The following CCBE1 variants were observed in gnomAD, a reference collection of about 807,000 sequenced individuals.
CCBE1 encodes collagen and calcium binding EGF domains 1.
A neutral mutation model predicts 50.0 loss-of-function variants in CCBE1; 37 were observed. The ratio of observed to expected loss-of-function variants is 0.74; its 90% CI spans 0.57 to 0.97. The LOEUF is 0.97. Ranked by LOEUF, CCBE1 falls within the 50% of genes least tolerant of loss-of-function variation. CCBE1 has a pLI of 0.00. For missense variants in CCBE1, 538 were observed against 523.8 expected, an observed-to-expected ratio of 1.03 and a Z score of -0.26; for synonymous variants, 234 against 203.7, an observed-to-expected ratio of 1.15 and a Z score of -1.27.
rs138582973 is a variant in CCBE1 at position 59,597,822 on chromosome 18, C to T, written c.212+98807G>A. ...CTTATTACCATCCAGATAACTGAGTCTCGAAACCATTGAACACAGTTACCT... is the reference window on the plus strand; with the variant it reads ...CTTATTACCATCCAGATAACTGAGTTTCGAAACCATTGAACACAGTTACCT... On this transcript the variant is annotated intron_variant, in intron 2 of 10. Coordinates refer to ENST00000439986, the MANE Select transcript of CCBE1 (RefSeq NM_133459.4). Among the ~76,000 whole-genome samples the T allele has an allele frequency of 2.2e-3, 337 of 152,246 alleles. 6 individuals carry two copies. The East Asian group carries it at 0.032, about 14-fold the overall frequency.
chr18:59,519,622 GC>G (rs1308074586), intron 2 of CCBE1, among the ~76,000 whole-genome samples: 1 of 152,184 alleles, frequency 6.6e-6, no homozygotes, highest in African/African-American at 2.4e-5. Context: ...TTTGTAGGTT[GC>G]CTGTTCACTC....
chr18:59,589,293 A>G (rs1018512789), intron 2 of CCBE1, among the ~76,000 whole-genome samples: 1 of 152,210 alleles, frequency 6.6e-6, no homozygotes, highest in African/African-American at 2.4e-5. Flanking sequence ...TAAACTCACC[A>G]ATTTTACATA....
chr18:59,640,611 G>A (rs761184440), intron 2 of CCBE1, among the ~76,000 whole-genome samples: 1 of 151,992 alleles, frequency 6.6e-6, no homozygotes, highest in Non-Finnish European at 1.5e-5. Context: ...CAATGCAAAA[G>A]AAACAAAAAT....
intron 2 of CCBE1, among the ~76,000 whole-genome samples, chr18:59,651,241 C>A (rs947241535): frequency 6.6e-6 from 1 of 152,170 alleles, no homozygotes; most frequent in South Asian, 2.1e-4. Flanking sequence ...GGAAGTGTTC[C>A]TTGGCACCAT....
chr18:59,548,417 G>A (rs1361762205), intron 2 of CCBE1, among the ~76,000 whole-genome samples: 2 of 152,206 alleles, frequency 1.3e-5, no homozygotes, highest in Non-Finnish European at 2.9e-5. Flanking sequence ...TGAAGGAGGT[G>A]GGTTAGGGTG....
chr18:59,586,525 C>T (rs2053180176), intron 2 of CCBE1, among the ~76,000 whole-genome samples: 1 of 152,168 alleles, frequency 6.6e-6, no homozygotes, highest in Admixed American at 6.5e-5. Flanking sequence ...TAGGACCAGA[C>T]CAATGTTAAA....
At position 59,432,525 on chromosome 18, in the gene CCBE1, G is replaced by A. The variant is rs1287102821; in HGVS notation, c.*3383C>T. The stretch of plus-strand genomic sequence containing the variant: ...TAAAGCTTTTTCTATCTAGTTAAAA[G>A]ATACATTAGAAATAATGATGCCTTA... On this transcript the variant is annotated 3_prime_UTR_variant, in exon 11 of 11. Coordinates refer to ENST00000439986, the MANE Select transcript of CCBE1 (RefSeq NM_133459.4). The A allele has an allele frequency of 3.3e-5, 5 of 152,090 alleles. No homozygotes were observed. Among genetic ancestry groups the A allele is most frequent in the African/African-American group, 9.7e-5 (4 of 41,392 alleles). 9.4% of individuals were successfully genotyped at this position (152,090 alleles called of 1,614,324 possible).
At chr18:59,663,110 G>T (rs1367702627) in intron 2 of CCBE1, among the ~76,000 whole-genome samples, 1 of 54,630 alleles carries the variant, frequency 1.8e-5, no homozygotes, top group African/African-American at 1.6e-4. Flanking sequence ...CTTGGTGCTA[G>T]GGATAGGGAT....
At chr18:59,628,459 T>C (rs1323591476) in intron 2 of CCBE1, among the ~76,000 whole-genome samples, 2 of 152,182 alleles carry the variant, frequency 1.3e-5, no homozygotes, top group East Asian at 3.8e-4. Context: ...TCTATCTTAA[T>C]GCTCTTCCAG....
intron 2 of CCBE1, among the ~76,000 whole-genome samples, chr18:59,562,897 C>CTTGTTTGTTTCAGTTCTCTT (rs5825348): frequency 6.6e-6 from 1 of 151,942 alleles, no homozygotes; most frequent in Admixed American, 6.6e-5. Context: ...GTTTCGATCT[C>CTTGTTTGTTTCAGTTCTCTT]GTTTGTTTCA....
At chr18:59,618,023 T>C (rs1421121792) in intron 2 of CCBE1, among the ~76,000 whole-genome samples, 1 of 152,222 alleles carries the variant, frequency 6.6e-6, no homozygotes, top group Non-Finnish European at 1.5e-5. Flanking sequence ...TTCAAAGTAA[T>C]TTAAGACTTT....
chr18:59,547,087 G>A (rs8084881), intron 2 of CCBE1, among the ~76,000 whole-genome samples: 13,720 of 112,380 alleles, frequency 0.12, 1,432 homozygotes, highest in East Asian at 0.29. Flanking sequence ...GAGAAAGGGA[G>A]AGAGAGGGAG....
At chr18:59,476,253 C>T (rs1196496944) in intron 3 of CCBE1, among the ~76,000 whole-genome samples, 1 of 152,164 alleles carries the variant, frequency 6.6e-6, no homozygotes, top group Non-Finnish European at 1.5e-5. Context: ...GCCCGATGCA[C>T]AGTACAAGCT....
intron 3 of CCBE1, among the ~76,000 whole-genome samples, chr18:59,477,729 G>A (rs1223863086): frequency 1.3e-5 from 2 of 152,152 alleles, no homozygotes; most frequent in African/African-American, 4.8e-5. Flanking sequence ...AGTGCCCCAG[G>A]ACTTCATACC....
intron 3 of CCBE1, among the ~76,000 whole-genome samples, chr18:59,472,626 A>G (rs1200080992): frequency 6.6e-6 from 1 of 152,186 alleles, no homozygotes; most frequent in Non-Finnish European, 1.5e-5. Flanking sequence ...TGGGATTACC[A>G]GCACCGCGCC....
At chr18:59,483,846 A>G (rs1912690966) in intron 2 of CCBE1, among the ~76,000 whole-genome samples, 1 of 152,218 alleles carries the variant, frequency 6.6e-6, no homozygotes. Flanking sequence ...CTTGAGTGAT[A>G]CAGCTAAGGT....
chr18:59,435,902 G>GA lies in CCBE1; in HGVS notation c.*5dup, dbSNP rs780973230. 2 of 1,611,100 alleles carry GA rather than the reference G, an allele frequency of 1.2e-6. No homozygotes were observed. The highest frequency in any genetic ancestry group is 1.7e-6 in the Non-Finnish European group (2 of 1,177,240). On this transcript the variant is annotated 3_prime_UTR_variant, in exon 11 of 11. Coordinates refer to ENST00000439986, the MANE Select transcript of CCBE1 (RefSeq NM_133459.4). ...TCTTCCTTTGGCGTGACGGTGTTGGGATGTGCTATGGGTAGAAGTCTCTGG... is the reference window on the plus strand; with the variant it reads ...TCTTCCTTTGGCGTGACGGTGTTGGGAATGTGCTATGGGTAGAAGTCTCTGG...
At chr18:59,648,344 G>C (rs903744415) in intron 2 of CCBE1, among the ~76,000 whole-genome samples, 1 of 152,154 alleles carries the variant, frequency 6.6e-6, no homozygotes, top group Admixed American at 6.5e-5. Flanking sequence ...CGGGTGGCTG[G>C]GCCTCACAGA....
At chr18:59,595,547 C>T (rs2053338835) in intron 2 of CCBE1, among the ~76,000 whole-genome samples, 1 of 152,138 alleles carries the variant, frequency 6.6e-6, no homozygotes, top group African/African-American at 2.4e-5. Flanking sequence ...TTACCTGAGT[C>T]CCTCTAAAAG....
Sources: gnomAD v4.1 joint callset for allele counts (sites outside exome capture counted in the v4.1 genomes callset) on GRCh38, gnomAD v4.1.1 for gene constraint, MANE v1.5 for transcripts, NCBI Gene and HGNC (gene_info 2026-07-23, HGNC 2026-07-21) for gene names.